Variants in DMD observed in about 807,000 individuals in gnomAD.
The protein encoded by DMD is dystrophin.
A neutral mutation model predicts 330.1 loss-of-function variants in DMD; 63 were observed. The observed-to-expected ratio is 0.19, with a 90% CI of 0.16 to 0.24. The LOEUF is 0.24. DMD is among the 10% of genes least tolerant of loss of function. The pLI, the probability that DMD is intolerant of heterozygous loss-of-function variation, is 1.00. For synonymous variants in DMD, 1,223 were observed against 959.8 expected, an observed-to-expected ratio of 1.27 and a Z score of -5.07; for missense variants, 3,344 against 2,684.1, an observed-to-expected ratio of 1.25 and a Z score of -5.43.
chrX:32,243,143 G>A (rs767837702), intron 43 of DMD, among the ~76,000 whole-genome samples: 12 of 109,619 alleles, frequency 1.1e-4, no homozygotes, highest in Non-Finnish European at 1.7e-4. Context: ...ATAAATAGGA[G>A]ATGAAATTAT....
At chrX:31,883,418 T>C (rs952836610) in intron 47 of DMD, among the ~76,000 whole-genome samples, 1 of 111,308 alleles carries the variant, frequency 9.0e-6, no homozygotes, top group African/African-American at 3.3e-5. Context: ...TAAGTTTTTT[T>C]TAAAAATCCC....
chrX:32,800,005 C>T (rs2076433685), intron 7 of DMD, among the ~76,000 whole-genome samples: 2 of 111,458 alleles, frequency 1.8e-5, no homozygotes, highest in Admixed American at 1.9e-4. Flanking sequence ...CAATGACTTC[C>T]TAATTTTATA....
intron 34 of DMD, among the ~76,000 whole-genome samples, chrX:32,370,378 T>C (rs758138623): frequency 9.9e-5 from 11 of 110,894 alleles, no homozygotes; most frequent in Non-Finnish European, 1.9e-4. Context: ...TATTTTACTA[T>C]TAGGCTAATG....
chrX:32,342,340 T>G, intron 40 of DMD, 58 bp from the exon 41 acceptor site: 1 of 1,139,312 alleles, frequency 8.8e-7, no homozygotes, highest in East Asian at 3.0e-5. Flanking sequence ...TCAACCGACT[T>G]GCAAGCAGCA....
intron 43 of DMD, among the ~76,000 whole-genome samples, chrX:32,236,162 T>C (rs997098411): frequency 5.4e-5 from 6 of 111,668 alleles, no homozygotes; most frequent in Non-Finnish European, 1.1e-4. Context: ...AAAATTACAA[T>C]GTGAAAATCA....
At position 32,631,904 on chromosome X, in the gene DMD, C is replaced by A. The variant is rs745959150; in HGVS notation, c.1331+12228G>T. Among the ~76,000 whole-genome samples, 6 of 111,298 alleles carry A rather than the reference C, an allele frequency of 5.4e-5. No individual in the cohort carries two copies. The East Asian group carries it at 1.7e-3, about 32-fold the overall frequency. ...TACATCCAAACCATACTATTCCATC[C>A]TGGCCCCTCCCAAATCTCAAGTCCT... is the stretch of plus-strand genomic sequence containing the variant. On this transcript the variant is annotated intron_variant, in intron 11 of 78. Transcript: ENST00000357033.
chrX:32,478,591 C>G (rs1423766825), intron 21 of DMD, among the ~76,000 whole-genome samples: 1 of 111,851 alleles, frequency 8.9e-6, no homozygotes, highest in Non-Finnish European at 1.9e-5. Context: ...CTGAGTATAA[C>G]TTGAATTTCT....
At chrX:31,907,228 C>T (rs1042952479) in intron 47 of DMD, among the ~76,000 whole-genome samples, 3 of 111,139 alleles carry the variant, frequency 2.7e-5, no homozygotes, top group African/African-American at 9.8e-5. Flanking sequence ...GGGAAGATAG[C>T]CAATAAAGGG....
chrX:32,689,610 C>A (rs1215157952), intron 9 of DMD, among the ~76,000 whole-genome samples: 1 of 110,872 alleles, frequency 9.0e-6, no homozygotes, highest in Non-Finnish European at 1.9e-5. Flanking sequence ...CCCAAGAAAA[C>A]TGCAACTCAA....
intron 48 of DMD, among the ~76,000 whole-genome samples, chrX:31,870,492 A>G (rs1185242166): frequency 8.9e-6 from 1 of 112,023 alleles, no homozygotes; most frequent in Non-Finnish European, 1.9e-5. Flanking sequence ...CCTGATATCT[A>G]GTACTTTCTC....
intron 2 of DMD, among the ~76,000 whole-genome samples, chrX:32,962,638 T>C (rs2091946450): frequency 9.0e-6 from 1 of 111,315 alleles, no homozygotes; most frequent in African/African-American, 3.3e-5. Context: ...CCTCCACACA[T>C]ATGGGAAGGT....
At chrX:31,880,296 A>T (rs1306660914) in intron 47 of DMD, among the ~76,000 whole-genome samples, 1 of 112,077 alleles carries the variant, frequency 8.9e-6, no homozygotes, top group Non-Finnish European at 1.9e-5. Flanking sequence ...TAATATGCGT[A>T]TTCACTTATA....
intron 49 of DMD, among the ~76,000 whole-genome samples, chrX:31,828,393 C>T (rs773980391): frequency 5.4e-5 from 6 of 111,086 alleles, no homozygotes; most frequent in Admixed American, 1.9e-4. Flanking sequence ...TGGCTGGGCG[C>T]GGTGGCTCAC....
chrX:31,831,662 G>GCC, intron 49 of DMD, among the ~76,000 whole-genome samples: 1 of 111,241 alleles, frequency 9.0e-6, no homozygotes, highest in Admixed American at 9.5e-5. Context: ...GCAGTGGCGT[G>GCC]ATCTCAGCTC....
chrX:32,106,762 A>C (rs915200010), intron 44 of DMD, among the ~76,000 whole-genome samples: 7 of 111,913 alleles, frequency 6.3e-5, no homozygotes, highest in Non-Finnish European at 1.1e-4. Flanking sequence ...TAATAAAATT[A>C]TAGGGATTTC....
intron 1 of DMD, among the ~76,000 whole-genome samples, chrX:33,029,841 G>C (rs1013514207): frequency 8.9e-6 from 1 of 111,900 alleles, no homozygotes; most frequent in Admixed American, 9.5e-5. Flanking sequence ...ATATGAAAAG[G>C]TGTTAAGTGG....
intron 17 of DMD, among the ~76,000 whole-genome samples, chrX:32,527,073 T>C (rs967891649): frequency 8.9e-6 from 1 of 111,853 alleles, no homozygotes; most frequent in African/African-American, 3.3e-5. Context: ...CATCTTAGCA[T>C]GTAGAATTTC....
intron 34 of DMD, among the ~76,000 whole-genome samples, chrX:32,369,982 T>A (rs1056170343): frequency 1.8e-5 from 2 of 111,475 alleles, no homozygotes; most frequent in African/African-American, 6.5e-5. Flanking sequence ...AAAAGGCATC[T>A]TGAGAAGTCC....
At chrX:33,288,292 G>T (rs1245060866) in intron 1 of DMD, among the ~76,000 whole-genome samples, 1 of 111,496 alleles carries the variant, frequency 9.0e-6, no homozygotes, top group South Asian at 3.8e-4. Flanking sequence ...GAAATCTGAT[G>T]GACCGGGGAA....
Sources: allele counts gnomAD v4.1 joint callset (sites outside exome capture counted in the v4.1 genomes callset), GRCh38; gene constraint gnomAD v4.1.1; transcripts MANE v1.5; gene names NCBI Gene and HGNC (gene_info 2026-07-23, HGNC 2026-07-21).